WDR59: variants seen among roughly 807,000 people sequenced by gnomAD.
WDR59 encodes the protein WD repeat domain 59.
Under a neutral mutation model 131.2 loss-of-function variants are expected in WDR59, and 100 were observed. The observed-to-expected ratio is 0.76, with a 90% CI of 0.65 to 0.90. The LOEUF (loss-of-function observed/expected upper bound fraction) is 0.90. Ranked by LOEUF, WDR59 falls within the 40% of genes least tolerant of loss-of-function variation. The pLI is 0.00. For missense variants in WDR59, 1,203 were observed against 1,262.2 expected (o/e 0.95, Z 0.71); for synonymous variants, 601 against 466.2 (o/e 1.29, Z -3.72).
chr16:74,915,990 T>C lies in WDR59; in HGVS notation c.1104A>G (p.Leu368=), dbSNP rs542940594. The C allele has an allele frequency of 1.2e-6, 2 of 1,614,196 alleles. No individual in the cohort carries two copies. The highest frequency in any genetic ancestry group is 4.5e-5 in the East Asian group (2 of 44,880). Residue 368 remains leucine (L), a synonymous_variant, in exon 13 of 26, where the codon CTA becomes CTG. Coordinates refer to ENST00000262144, the MANE Select transcript of WDR59 (RefSeq NM_030581.4). ...GGAGATTTCTAGGGGGATCTTCTTT[T>C]AGGGCTAGCAGGAGAGAGAAGTTCA... ...HTASHGEEEA[L]KEDPPRNLLE... is the part of the protein sequence containing the mutation.
chr16:74,911,687 A>T (rs1399805307), intron 14 of WDR59, among the ~76,000 whole-genome samples: 1 of 152,074 alleles, frequency 6.6e-6, no homozygotes, highest in Non-Finnish European at 1.5e-5. Flanking sequence ...ATGGGATAAA[A>T]TTTTTTTTAT....
chr16:74,933,097 T>A (rs1359695725), intron 8 of WDR59, among the ~76,000 whole-genome samples: 2 of 151,984 alleles, frequency 1.3e-5, no homozygotes, highest in African/African-American at 4.8e-5. Flanking sequence ...AGGAATAAAA[T>A]TAAAATGCCA....
Position 74,892,558 on chromosome 16 carries a change from C to T in WDR59, c.2008G>A (p.Val670Met), listed in dbSNP as rs2144829805. The change falls in exon 20 of 26, where the codon GTG (valine) becomes ATG (methionine). Residue 670 changes from valine to methionine, a missense_variant. Physicochemically the swap from Val to Met is conservative, Grantham distance 21. Coordinates refer to ENST00000262144, the MANE Select transcript of WDR59 (RefSeq NM_030581.4). ...TGACATGTTTCCTGAATATCATTCA[C>T]ATTCAATCTGAAATTTTTTAAAAAG... is the stretch of plus-strand genomic sequence containing the variant. ...KSLGELYILN[V>M]NDIQETCQKN... 1.9e-6 allele frequency: 3 copies of T among 1,612,744 alleles called. No individual in the cohort carries two copies. Among genetic ancestry groups the T allele is most frequent in the Non-Finnish European group, 8.5e-7 (1 of 1,179,392 alleles).
chr16:74,924,662 C>G (rs1273987590), intron 8 of WDR59, among the ~76,000 whole-genome samples: 2 of 152,204 alleles, frequency 1.3e-5, no homozygotes, highest in Non-Finnish European at 2.9e-5. Flanking sequence ...GTGAGAGACA[C>G]ATACGCTTAG....
intron 3 of WDR59, among the ~76,000 whole-genome samples, chr16:74,954,138 G>A (rs976782849): frequency 1.7e-4 from 26 of 152,190 alleles, no homozygotes; most frequent in African/African-American, 5.8e-4. Flanking sequence ...GCTGGGTGCG[G>A]TGGCTCATGC....
Position 74,905,165 on chromosome 16 carries a change from C to T in WDR59, c.1713-1065G>A, listed in dbSNP as rs571036864. 1.3e-4 allele frequency among the ~76,000 whole-genome samples: 19 copies of T among 151,034 alleles called. No individual in the cohort carries two copies. The South Asian group carries it at 3.3e-3, about 27-fold the overall frequency. ...CCAAGGCGGGCAGATTACCTGAGGT[C>T]GGGAGTTCAAGACCAGCCTGACCAA... On this transcript the variant is annotated intron_variant, in intron 17 of 25. Transcript: ENST00000262144.
chr16:74,984,865 A>AG (rs745822788), intron 1 of WDR59, 99 bp downstream of exon 1: 17 of 1,517,264 alleles, frequency 1.1e-5, no homozygotes, highest in Non-Finnish European at 1.4e-5. Flanking sequence ...TACGGGGCCT[A>AG]GGGTCTCCCC....
chr16:74,981,656 A>ATTTTTTTTTTTTTTT (rs1567450978), intron 1 of WDR59, among the ~76,000 whole-genome samples: 1 of 29,544 alleles, frequency 3.4e-5, no homozygotes, highest in African/African-American at 1.3e-4. Flanking sequence ...ATATATATAT[A>ATTTTTTTTTTTTTTT]TATATTTTTT....
chr16:74,884,505 C>T (rs114136970), intron 25 of WDR59, among the ~76,000 whole-genome samples: 1,718 of 152,282 alleles, frequency 0.011, 36 homozygotes, highest in African/African-American at 0.039. Context: ...TGCACTAGCA[C>T]GCCTGGCTAA....
At chr16:74,945,265 A>G (rs2145112185) in intron 6 of WDR59, among the ~76,000 whole-genome samples, 1 of 152,148 alleles carries the variant, frequency 6.6e-6, no homozygotes, top group African/African-American at 2.4e-5. Flanking sequence ...TCATGAGGTC[A>G]GGAGATCGAG....
At chr16:74,888,033 G>T in intron 22 of WDR59, 136 bp downstream of exon 22, 2 of 1,158,140 alleles carry the variant, frequency 1.7e-6, no homozygotes, top group Non-Finnish European at 1.2e-6. Flanking sequence ...CACGAGAATT[G>T]CTTGAACCCA....
intron 25 of WDR59, among the ~76,000 whole-genome samples, chr16:74,882,082 T>C (rs941068278): frequency 6.6e-6 from 1 of 152,094 alleles, no homozygotes; most frequent in African/African-American, 2.4e-5. Context: ...TACAGACATC[T>C]TGACCCACCA....
At chr16:74,968,352 C>A (rs1381914609) in intron 1 of WDR59, among the ~76,000 whole-genome samples, 1 of 152,208 alleles carries the variant, frequency 6.6e-6, no homozygotes, top group Non-Finnish European at 1.5e-5. Flanking sequence ...GGACCTGAGA[C>A]AGCATGTAGG....
intron 25 of WDR59, among the ~76,000 whole-genome samples, chr16:74,877,523 GTTTA>G (rs1271694481): frequency 6.6e-6 from 1 of 152,048 alleles, no homozygotes; most frequent in Non-Finnish European, 1.5e-5. Flanking sequence ...TTACTGCTCT[GTTTA>G]TTTATTGATT....
rs768894618 is a variant in WDR59 at position 74,942,844 on chromosome 16, G to A, written c.446-18C>T. Reference sequence around the variant, plus strand: ...GGCACCCGCTGCAAAGAAAAATCAGGGAAGAAAGCTGCTGCCCTTGGTGCT... The same window carrying A: ...GGCACCCGCTGCAAAGAAAAATCAGAGAAGAAAGCTGCTGCCCTTGGTGCT... On this transcript the variant is annotated intron_variant, in intron 6 of 25. Coordinates refer to ENST00000262144, the MANE Select transcript of WDR59 (RefSeq NM_030581.4). The A allele has an allele frequency of 2.4e-5, 39 of 1,611,736 alleles. No homozygotes were observed. In the South Asian group the frequency reaches 3.6e-4, roughly 15 times the overall value.
intron 1 of WDR59, among the ~76,000 whole-genome samples, chr16:74,969,689 C>T (rs2033907178): frequency 6.6e-6 from 1 of 152,032 alleles, no homozygotes; most frequent in Non-Finnish European, 1.5e-5. Flanking sequence ...CCTGCCTCAG[C>T]CTCCCAAGTA....
chr16:74,918,412 C>A (rs1457773695), intron 10 of WDR59, among the ~76,000 whole-genome samples: 1 of 152,236 alleles, frequency 6.6e-6, no homozygotes, highest in African/African-American at 2.4e-5. Flanking sequence ...TAAACTTTCA[C>A]CTCTGCAAAT....
chr16:74,981,182 G>A lies in WDR59; in HGVS notation c.54+3782C>T, dbSNP rs543192883. 1.5e-4 allele frequency among the ~76,000 whole-genome samples: 23 copies of A among 151,572 alleles called. No individual in the cohort carries two copies. In the South Asian group the frequency reaches 2.3e-3, roughly 15 times the overall value. ...AGATCGAGACCATCCTGGCTAACACGGTGAAACCCTGTCTCTACTAAAAAA... is the reference window on the plus strand; with the variant it reads ...AGATCGAGACCATCCTGGCTAACACAGTGAAACCCTGTCTCTACTAAAAAA... On this transcript the variant is annotated intron_variant, in intron 1 of 25. Transcript: ENST00000262144.
Position 74,945,383 on chromosome 16 carries a change from AG to A in WDR59, c.446-2558del, listed in dbSNP as rs368550067. ...TCCCAGCTACTCGGGAGGCTGAGGC[AG>A]GAGAATGGCGAGAACCTGGGAGGCA... On this transcript the variant is annotated intron_variant, in intron 6 of 25. Transcript: ENST00000262144. Among the ~76,000 whole-genome samples the A allele has an allele frequency of 4.3e-3, 652 of 152,008 alleles. 8 individuals are homozygous for A. Among genetic ancestry groups the A allele is most frequent in the South Asian group, 0.04 (191 of 4,808 alleles).
Sources: allele counts gnomAD v4.1 joint callset (sites outside exome capture counted in the v4.1 genomes callset), GRCh38; gene constraint gnomAD v4.1.1; transcripts MANE v1.5; gene names NCBI Gene and HGNC (gene_info 2026-07-23, HGNC 2026-07-21).